Variants in KYNU observed in about 807,000 individuals in gnomAD.
The protein encoded by KYNU is L-kynurenine hydrolase.
A neutral mutation model predicts 59.2 loss-of-function variants in KYNU; 54 were observed. That is an observed-to-expected ratio of 0.91 (90% CI 0.73 to 1.14). KYNU has a LOEUF of 1.14. KYNU is among the 50% of genes most tolerant of loss of function. The pLI is 0.00. For synonymous variants in KYNU, 177 were observed against 192.0 expected, an observed-to-expected ratio of 0.92 and a Z score of 0.65; for missense variants, 567 against 554.4, an observed-to-expected ratio of 1.02 and a Z score of -0.23.
intron 1 of KYNU, among the ~76,000 whole-genome samples, chr2:142,883,499 C>T (rs1379194565): frequency 6.6e-6 from 1 of 151,912 alleles, no homozygotes; most frequent in East Asian, 1.9e-4. Context: ...CGCCTGGCCC[C>T]AAATTTCTTT....
At chr2:143,035,489 C>T (rs1558986231) in intron 12 of KYNU, among the ~76,000 whole-genome samples, 1 of 152,198 alleles carries the variant, frequency 6.6e-6, no homozygotes, top group Non-Finnish European at 1.5e-5. Context: ...GCTTCCCTTT[C>T]TCTGTTAAAA....
Position 143,047,602 on chromosome 2 carries a change from A to T in KYNU, c.*5430A>T, listed in dbSNP as rs1687186562. The T allele has an allele frequency of 6.6e-6, 1 of 150,466 alleles. No individual in the cohort carries two copies. The highest frequency in any genetic ancestry group is 2.4e-5 in the African/African-American group (1 of 40,846). The allele number at this position is 150,466 out of a possible 1,614,324, so 9.3% of individuals were successfully genotyped here. On this transcript the variant is annotated 3_prime_UTR_variant, in exon 14 of 14. Transcript: ENST00000264170. ...GGGTGTCACTCTGTTGCCCAGGCGGAGTGCAGTGGCACATGATCATAGCTC... is the reference window on the plus strand; with the variant it reads ...GGGTGTCACTCTGTTGCCCAGGCGGTGTGCAGTGGCACATGATCATAGCTC...
chr2:142,953,459 A>C lies in KYNU; in HGVS notation c.374-1351A>C, dbSNP rs1353360531. 2.0e-5 allele frequency among the ~76,000 whole-genome samples: 3 copies of C among 152,338 alleles called. No individual in the cohort carries two copies. In the East Asian group the frequency reaches 5.8e-4, roughly 29 times the overall value. ...ATAGAGTTGCTTTAGCCTCCACAAT[A>C]ATGTAGGGAAATAAATATAATGAAG... is the stretch of plus-strand genomic sequence containing the variant. On this transcript the variant is annotated intron_variant, in intron 4 of 13. Transcript: ENST00000264170.
chr2:142,897,817 C>A (rs943731135), intron 2 of KYNU, among the ~76,000 whole-genome samples: 2 of 152,076 alleles, frequency 1.3e-5, no homozygotes, highest in Non-Finnish European at 2.9e-5. Flanking sequence ...ACTCACCTGG[C>A]CTTTTAGTAG....
intron 4 of KYNU, among the ~76,000 whole-genome samples, chr2:142,948,962 A>T (rs1233482014): frequency 6.6e-6 from 1 of 152,218 alleles, no homozygotes; most frequent in Non-Finnish European, 1.5e-5. Flanking sequence ...AATACAATGG[A>T]GGTACAGGCA....
chr2:142,881,150 G>A (rs1681283309), intron 1 of KYNU, among the ~76,000 whole-genome samples: 1 of 152,106 alleles, frequency 6.6e-6, no homozygotes, highest in Non-Finnish European at 1.5e-5. Flanking sequence ...CAAAGGAAAT[G>A]GCATGAGAAA....
intron 8 of KYNU, among the ~76,000 whole-genome samples, chr2:142,983,229 A>C (rs1175535422): frequency 1.3e-5 from 2 of 152,056 alleles, no homozygotes; most frequent in Non-Finnish European, 2.9e-5. Context: ...ATTATGCTCC[A>C]CATTTCTTTT....
At chr2:142,975,747 T>C (rs1432647286) in intron 8 of KYNU, among the ~76,000 whole-genome samples, 1 of 152,194 alleles carries the variant, frequency 6.6e-6, no homozygotes, top group Non-Finnish European at 1.5e-5. Flanking sequence ...CACAAGTTGA[T>C]AAATAAATGA....
chr2:142,938,968 A>G (rs969274835), intron 4 of KYNU, among the ~76,000 whole-genome samples: 3 of 152,022 alleles, frequency 2.0e-5, no homozygotes, highest in African/African-American at 7.2e-5. Context: ...AAAATAAATA[A>G]ATAAATAAAT....
intron 8 of KYNU, among the ~76,000 whole-genome samples, chr2:142,965,758 C>T (rs1414582489): frequency 6.6e-6 from 1 of 152,012 alleles, no homozygotes; most frequent in Non-Finnish European, 1.5e-5. Flanking sequence ...ACATCTATGG[C>T]CCTAAAGTAG....
chr2:143,027,692 G>A (rs1686617105), intron 10 of KYNU, among the ~76,000 whole-genome samples: 1 of 152,084 alleles, frequency 6.6e-6, no homozygotes, highest in Admixed American at 6.5e-5. Flanking sequence ...TTATAAATCT[G>A]TTGGTATGTT....
At position 143,002,704 on chromosome 2, in the gene KYNU, G is replaced by A. The variant is rs549763939; in HGVS notation, c.902+16683G>A. 2.0e-5 allele frequency among the ~76,000 whole-genome samples: 3 copies of A among 152,154 alleles called. No homozygotes were observed. The South Asian group carries it at 6.2e-4, about 32-fold the overall frequency. ...TTTTGATCCCATTGAAAATAAATGG[G>A]AAATACATGTTGCTATTTTTTTCAT... On this transcript the variant is annotated intron_variant, in intron 10 of 13. Transcript: ENST00000264170.
chr2:142,939,661 C>T (rs566005154), intron 4 of KYNU, among the ~76,000 whole-genome samples: 1 of 146,684 alleles, frequency 6.8e-6, no homozygotes, highest in South Asian at 2.2e-4. Flanking sequence ...TGAGTACAGA[C>T]CGAAAATTCT....
chr2:142,939,249 C>A (rs1184072877), intron 4 of KYNU, among the ~76,000 whole-genome samples: 2 of 152,060 alleles, frequency 1.3e-5, no homozygotes, highest in African/African-American at 4.8e-5. Context: ...TTACATTATA[C>A]AAATTTCTAT....
intron 10 of KYNU, among the ~76,000 whole-genome samples, chr2:143,025,873 A>G (rs1355875944): frequency 2.0e-5 from 3 of 152,214 alleles, no homozygotes; most frequent in South Asian, 2.1e-4. Context: ...ATGAATTTTA[A>G]TAAGTTAGAA....
rs763414131 is a variant in KYNU, at chr2:142,985,944, C to A, written c.829-4C>A. ...CCACATAATTTAATTTATTTTCAAT[C>A]TAGTATTTAAATGCAGGAGCAGGAG... On this transcript the variant is annotated splice_polypyrimidine_tract_variant and splice_region_variant and intron_variant, in intron 9 of 13. Coordinates refer to ENST00000264170, the MANE Select transcript of KYNU (RefSeq NM_003937.3). 4 of 1,588,522 alleles carry A rather than the reference C, an allele frequency of 2.5e-6. No individual in the cohort carries two copies. The highest frequency in any genetic ancestry group is 2.7e-5 in the African/African-American group (2 of 74,210).
At chr2:142,954,518 A>G (rs1684099064) in intron 4 of KYNU, among the ~76,000 whole-genome samples, 2 of 152,104 alleles carry the variant, frequency 1.3e-5, no homozygotes, top group Non-Finnish European at 2.9e-5. Context: ...TGAGCTGATA[A>G]TAGGATATAT....
chr2:142,880,288 T>C (rs1423562997), intron 1 of KYNU, among the ~76,000 whole-genome samples: 1 of 152,196 alleles, frequency 6.6e-6, no homozygotes, highest in Admixed American at 6.5e-5. Flanking sequence ...CAGAAAAACA[T>C]CTCATGGAAT....
chr2:142,885,351 T>G lies in KYNU; in HGVS notation c.-17T>G. 2 of 1,612,720 alleles carry G rather than the reference T, an allele frequency of 1.2e-6. No individual in the cohort carries two copies. Among genetic ancestry groups the G allele is most frequent in the South Asian group, 2.2e-5 (2 of 91,012 alleles). On this transcript the variant is annotated splice_region_variant and 5_prime_UTR_variant, in exon 2 of 14. Transcript: ENST00000264170. Reference sequence around the variant, plus strand: ...TATGTTTTATTATTCTCTTTCAGTTTTAGAGAACAACTTGTAATGGAGCCT... The same window carrying G: ...TATGTTTTATTATTCTCTTTCAGTTGTAGAGAACAACTTGTAATGGAGCCT...
Sources: gnomAD v4.1 joint callset for allele counts (sites outside exome capture counted in the v4.1 genomes callset) on GRCh38, gnomAD v4.1.1 for gene constraint, MANE v1.5 for transcripts, NCBI Gene and HGNC (gene_info 2026-07-23, HGNC 2026-07-21) for gene names.